The following UST variants were observed in gnomAD, a reference collection of about 807,000 sequenced individuals.
UST encodes the protein chondroitin sulfate 2-O-sulfotransferase.
UST carries 21 observed loss-of-function variants against 45.6 expected under a neutral mutation model. The observed-to-expected ratio is 0.46, with a 90% confidence interval of 0.33 to 0.66. The LOEUF (loss-of-function observed/expected upper bound fraction) is 0.66. Among genes scored for constraint, UST ranks in the 30% least tolerant of loss-of-function variants. UST has a pLI of 0.02. For synonymous variants in UST, 215 were observed against 200.6 expected, an observed-to-expected ratio of 1.07 and a Z score of -0.61; for missense variants, 463 against 512.4, an observed-to-expected ratio of 0.90 and a Z score of 0.93.
chr6:148,878,223 G>A (rs1486146641), intron 1 of UST, among the ~76,000 whole-genome samples: 1 of 130,204 alleles, frequency 7.7e-6, no homozygotes, highest in South Asian at 2.7e-4. Context: ...GTAAGAGTGC[G>A]GGGGTCGTGT....
chr6:149,021,256 A>G, intron 6 of UST, 68 bp from the exon 7 acceptor site: 1 of 1,509,168 alleles, frequency 6.6e-7, no homozygotes, highest in South Asian at 1.2e-5. Flanking sequence ...GAGGGGGTAA[A>G]CTCTCAGCAT....
intron 5 of UST, among the ~76,000 whole-genome samples, chr6:148,987,174 G>A (rs1334460195): frequency 6.6e-6 from 1 of 152,144 alleles, no homozygotes; most frequent in African/African-American, 2.4e-5. Flanking sequence ...CCACAAACCA[G>A]GAGATACATT....
In UST at chr6:148,834,474, C is replaced by T. The variant is rs569874486; in HGVS notation, c.248-52512C>T. ...CTGAGGCTGGGCACAGTTGCTCATGCTTGTAATCCCAGCACTTTGGGAGGC... is the reference window on the plus strand; with the variant it reads ...CTGAGGCTGGGCACAGTTGCTCATGTTTGTAATCCCAGCACTTTGGGAGGC... On this transcript the variant is annotated intron_variant, in intron 1 of 7. Transcript: ENST00000367463. 3.9e-5 allele frequency among the ~76,000 whole-genome samples: 6 copies of T among 152,314 alleles called. No homozygotes were observed. The South Asian group carries it at 1.2e-3, about 32-fold the overall frequency.
chr6:148,918,082 A>G (rs7748997), intron 2 of UST, among the ~76,000 whole-genome samples: 4,980 of 152,202 alleles, frequency 0.033, 281 homozygotes, highest in African/African-American at 0.11. Flanking sequence ...AATGAAACCC[A>G]AGCCCTCGTG....
At chr6:149,073,775 G>A (rs1382231475) in intron 7 of UST, 58 bp from the exon 8 acceptor site, 1 of 1,573,086 alleles carries the variant, frequency 6.4e-7, no homozygotes, top group Non-Finnish European at 8.6e-7. Context: ...GTCCTCGCCG[G>A]GATCCCTTCT....
intron 2 of UST, among the ~76,000 whole-genome samples, chr6:148,936,472 A>G (rs779679895): frequency 1.3e-5 from 2 of 151,784 alleles, no homozygotes; most frequent in Non-Finnish European, 2.9e-5. Flanking sequence ...AGTAAAAGAC[A>G]GTTATGCTGT....
intron 1 of UST, among the ~76,000 whole-genome samples, chr6:148,759,566 G>A: frequency 6.8e-6 from 1 of 147,840 alleles, no homozygotes; most frequent in Non-Finnish European, 1.5e-5. Context: ...ATAAAAGAAT[G>A]CGGCGTACGC....
At position 148,789,993 on chromosome 6, in the gene UST, T is replaced by TC. The variant is rs1183853582; in HGVS notation, c.247+42316_247+42317insC. Among the ~76,000 whole-genome samples the TC allele has an allele frequency of 2.9e-3, 431 of 149,710 alleles. 7 individuals are homozygous for TC. Among genetic ancestry groups the TC allele is most frequent in the Non-Finnish European group, 2.0e-3 (134 of 67,616 alleles). ...TGTCATCAAGATTTCAGGATTCTTT[T>TC]TTTTTTTTTTTTTTTCCAGCTTTAA... On this transcript the variant is annotated intron_variant, in intron 1 of 7. Transcript: ENST00000367463.
chr6:148,879,178 C>T (rs67246462), intron 1 of UST, among the ~76,000 whole-genome samples: 11,014 of 152,194 alleles, frequency 0.072, 717 homozygotes, highest in African/African-American at 0.18. Context: ...CTAGGCCTGG[C>T]CCTTTACAAT....
chr6:149,059,806 G>C (rs915550058), intron 7 of UST, among the ~76,000 whole-genome samples: 3 of 152,036 alleles, frequency 2.0e-5, no homozygotes, highest in Non-Finnish European at 4.4e-5. Flanking sequence ...CAATAACCTA[G>C]AAGCCCCAGG....
At chr6:149,034,834 TTCTC>T (rs60813679) in intron 7 of UST, among the ~76,000 whole-genome samples, 109 of 45,682 alleles carry the variant, frequency 2.4e-3, no homozygotes, top group Non-Finnish European at 2.9e-3. Context: ...TTCATGCTCA[TTCTC>T]TCTCTCTCTC....
chr6:148,949,889 G>T (rs1780330625), intron 3 of UST, among the ~76,000 whole-genome samples: 1 of 152,140 alleles, frequency 6.6e-6, no homozygotes, highest in African/African-American at 2.4e-5. Flanking sequence ...TGCTATGGAA[G>T]GTCATGTTCA....
chr6:148,786,250 A>G (rs1199577872), intron 1 of UST, among the ~76,000 whole-genome samples: 1 of 152,096 alleles, frequency 6.6e-6, no homozygotes, highest in Non-Finnish European at 1.5e-5. Context: ...TTTTAAGTTC[A>G]GGGGTCCGTG....
chr6:148,953,810 T>G, intron 3 of UST, 62 bp from the exon 4 acceptor site: 1 of 1,082,578 alleles, frequency 9.2e-7, no homozygotes, highest in Non-Finnish European at 1.3e-6. Context: ...TACATAACCT[T>G]TAACTTAATA....
At chr6:148,940,427 G>A (rs533827257) in intron 2 of UST, among the ~76,000 whole-genome samples, 1 of 152,268 alleles carries the variant, frequency 6.6e-6, no homozygotes, top group South Asian at 2.1e-4. Context: ...CCGGGAGACG[G>A]AGGTTGGTGA....
At chr6:148,774,291 A>ATATATATAT in intron 1 of UST, among the ~76,000 whole-genome samples, 1 of 146,176 alleles carries the variant, frequency 6.8e-6, no homozygotes, top group African/African-American at 2.5e-5. Flanking sequence ...TATATATATA[A>ATATATATAT]AAATATAATG....
At chr6:148,922,617 T>C (rs1216955249) in intron 2 of UST, among the ~76,000 whole-genome samples, 3 of 134,010 alleles carry the variant, frequency 2.2e-5, no homozygotes, top group South Asian at 2.3e-4. Context: ...GCCTCCTCAG[T>C]ACCTAGGAGT....
intron 1 of UST, among the ~76,000 whole-genome samples, chr6:148,791,601 A>G (rs569701393): frequency 4.8e-4 from 73 of 152,314 alleles, no homozygotes; most frequent in African/African-American, 1.7e-3. Flanking sequence ...CTGATCACTA[A>G]GCACTGTGAG....
intron 1 of UST, among the ~76,000 whole-genome samples, chr6:148,858,584 GT>G (rs1322947885): frequency 1.3e-5 from 2 of 151,518 alleles, no homozygotes; most frequent in Non-Finnish European, 2.9e-5. Flanking sequence ...TGCTATATTG[GT>G]GCGCTGCACC....
Sources: gnomAD v4.1 joint callset for allele counts (sites outside exome capture counted in the v4.1 genomes callset) on GRCh38, gnomAD v4.1.1 for gene constraint, MANE v1.5 for transcripts, NCBI Gene and HGNC (gene_info 2026-07-23, HGNC 2026-07-21) for gene names.